Variants in THSD7B observed in about 807,000 individuals in gnomAD.
The protein encoded by THSD7B is thrombospondin type-1 domain-containing protein 7B.
In THSD7B, 138 loss-of-function variants were observed where a neutral mutation model predicts 213.6. That is an observed-to-expected ratio of 0.65 (90% CI 0.56 to 0.74). The LOEUF is 0.74. THSD7B is among the 30% of genes least tolerant of loss of function. The pLI, the probability that THSD7B is intolerant of heterozygous loss-of-function variation, is 0.00. For missense variants in THSD7B, 1,931 were observed against 1,991.5 expected, an observed-to-expected ratio of 0.97 and a Z score of 0.58; for synonymous variants, 742 against 687.0, an observed-to-expected ratio of 1.08 and a Z score of -1.25.
intron 17 of THSD7B, among the ~76,000 whole-genome samples, chr2:137,606,534 A>G (rs1462688574): frequency 6.6e-6 from 1 of 152,132 alleles, no homozygotes. Context: ...GAGGGTGCAC[A>G]AATATTAAAA....
intron 3 of THSD7B, among the ~76,000 whole-genome samples, chr2:137,078,228 G>A (rs866172612): frequency 2.0e-5 from 3 of 152,096 alleles, no homozygotes; most frequent in Non-Finnish European, 4.4e-5. Context: ...GCTTACTGTA[G>A]CCTTGTAGTG....
At chr2:137,467,876 C>T (rs1688023520) in intron 15 of THSD7B, among the ~76,000 whole-genome samples, 1 of 152,106 alleles carries the variant, frequency 6.6e-6, no homozygotes, top group Non-Finnish European at 1.5e-5. Context: ...TAAGGAAACC[C>T]CAAATCAGAT....
intron 15 of THSD7B, among the ~76,000 whole-genome samples, chr2:137,500,053 CAT>C (rs1404030922): frequency 6.6e-6 from 1 of 151,996 alleles, no homozygotes; most frequent in East Asian, 1.9e-4. Context: ...ATGACAAAAC[CAT>C]ATGTTTCAAG....
chr2:136,849,396 A>G (rs1468175613), intron 1 of THSD7B, among the ~76,000 whole-genome samples: 2 of 152,174 alleles, frequency 1.3e-5, no homozygotes, highest in Non-Finnish European at 2.9e-5. Context: ...TCTTTTTGCC[A>G]TCTAAACCTG....
At chr2:137,213,470 A>ATGACAT (rs1681167382) in intron 7 of THSD7B, among the ~76,000 whole-genome samples, 3 of 147,694 alleles carry the variant, frequency 2.0e-5, no homozygotes, top group Non-Finnish European at 3.0e-5. Flanking sequence ...TATTAAGTTT[A>ATGACAT]TATTAGGTCA....
At chr2:137,052,858 C>T (rs1235214484) in intron 2 of THSD7B, among the ~76,000 whole-genome samples, 1 of 152,084 alleles carries the variant, frequency 6.6e-6, no homozygotes, top group Admixed American at 6.6e-5. Context: ...GGCTATAGGT[C>T]AATTGCTGAA....
At chr2:136,841,199 G>T (rs1448061963) in intron 1 of THSD7B, among the ~76,000 whole-genome samples, 1 of 152,116 alleles carries the variant, frequency 6.6e-6, no homozygotes, top group African/African-American at 2.4e-5. Context: ...ACTAAGACTT[G>T]AACCCATCTG....
chr2:137,562,440 G>T (rs899170384), intron 15 of THSD7B, among the ~76,000 whole-genome samples: 2 of 151,696 alleles, frequency 1.3e-5, no homozygotes, highest in Non-Finnish European at 2.9e-5. Flanking sequence ...CTGCCCACTG[G>T]GATACAATTT....
intron 14 of THSD7B, among the ~76,000 whole-genome samples, chr2:137,424,908 A>G (rs969352830): frequency 7.2e-5 from 11 of 151,792 alleles, no homozygotes; most frequent in African/African-American, 2.7e-4. Flanking sequence ...CGTCTCTACT[A>G]AAAATACAAA....
In THSD7B at chr2:137,563,368, G is replaced by A; in HGVS notation, c.3272+14G>A. 6.2e-7 allele frequency: 1 copy of A among 1,612,152 alleles called. No individual in the cohort carries two copies. Among genetic ancestry groups the A allele is most frequent in the Non-Finnish European group, 8.5e-7 (1 of 1,178,936 alleles). On this transcript the variant is annotated intron_variant, in intron 16 of 27. Coordinates refer to ENST00000409968, the MANE Select transcript of THSD7B (RefSeq NM_001316349.2). Reference sequence around the variant, plus strand: ...TAGGAAAATCAGGTGTGTGAAAATGGAGAGATTTGGGAAATAGGGGGAAGT... The same window carrying A: ...TAGGAAAATCAGGTGTGTGAAAATGAAGAGATTTGGGAAATAGGGGGAAGT...
intron 1 of THSD7B, among the ~76,000 whole-genome samples, chr2:136,858,438 T>A (rs539275650): frequency 5.4e-4 from 82 of 152,348 alleles, no homozygotes; most frequent in Non-Finnish European, 1.0e-3. Context: ...ATAAGGCTAA[T>A]GGTCCTTTGC....
chr2:136,956,379 C>T (rs1685123717), intron 2 of THSD7B, among the ~76,000 whole-genome samples: 1 of 152,230 alleles, frequency 6.6e-6, no homozygotes. Flanking sequence ...GATCACTTAT[C>T]TGTCTTTGGA....
At position 137,620,695 on chromosome 2, in the gene THSD7B, G is replaced by A. The variant is rs1282521326; in HGVS notation, c.3768G>A (p.Trp1256Ter). ...VNCQLSGWTA[W>*]TECSQTCGHG... The stretch of plus-strand genomic sequence containing the variant: ...GTCAGCTCTCAGGGTGGACGGCTTG[G>A]ACAGAGTGTTCACAGACCTGTGGCC... The change falls in exon 20 of 28, where the codon TGG becomes TGA. Residue 1256 changes from tryptophan to a stop codon, truncating the protein, a stop_gained. Coordinates refer to ENST00000409968, the MANE Select transcript of THSD7B (RefSeq NM_001316349.2). LOFTEE classifies it high-confidence loss of function. 1 of 1,613,918 alleles carries A rather than the reference G, an allele frequency of 6.2e-7. No individual in the cohort carries two copies. Among genetic ancestry groups the A allele is most frequent in the Admixed American group, 1.7e-5 (1 of 60,034 alleles).
chr2:136,823,167 G>A (rs185860537), intron 1 of THSD7B, among the ~76,000 whole-genome samples: 2,269 of 152,246 alleles, frequency 0.015, 51 homozygotes, highest in African/African-American at 0.052. Context: ...ATATCCTTGT[G>A]TAAGGTGATT....
intron 2 of THSD7B, among the ~76,000 whole-genome samples, chr2:137,044,056 G>A (rs1573785790): frequency 6.6e-6 from 1 of 152,252 alleles, no homozygotes; most frequent in Non-Finnish European, 1.5e-5. Context: ...TCGGGAACCT[G>A]TATCCTGACA....
At chr2:136,864,509 CT>C (rs1344891955) in intron 1 of THSD7B, among the ~76,000 whole-genome samples, 10 of 152,010 alleles carry the variant, frequency 6.6e-5, no homozygotes, top group African/African-American at 9.6e-5. Flanking sequence ...TATTGAGTTA[CT>C]TTTTAAACAT....
intron 1 of THSD7B, among the ~76,000 whole-genome samples, chr2:136,837,744 CATCTTT>C (rs1340330359): frequency 1.3e-5 from 2 of 152,180 alleles, no homozygotes; most frequent in Non-Finnish European, 2.9e-5. Flanking sequence ...GAATTACATT[CATCTTT>C]TTTTCCTTGA....
intron 15 of THSD7B, among the ~76,000 whole-genome samples, chr2:137,516,759 T>C (rs1044348654): frequency 2.0e-5 from 3 of 152,128 alleles, no homozygotes; most frequent in Admixed American, 2.0e-4. Context: ...CCCTGACTAG[T>C]GGGGTGAGGG....
intron 12 of THSD7B, among the ~76,000 whole-genome samples, chr2:137,342,469 T>C (rs561893159): frequency 6.6e-6 from 1 of 151,838 alleles, no homozygotes; most frequent in South Asian, 2.1e-4. Flanking sequence ...AGTGACAATT[T>C]TACTTCTTTC....
Sources: allele counts gnomAD v4.1 joint callset (sites outside exome capture counted in the v4.1 genomes callset), GRCh38; gene constraint gnomAD v4.1.1; transcripts MANE v1.5; gene names NCBI Gene and HGNC (gene_info 2026-07-23, HGNC 2026-07-21).